MORC1: variants seen among roughly 807,000 people sequenced by gnomAD.
The protein encoded by MORC1 is MORC family CW-type zinc finger 1, also known as MORC family CW-type zinc finger protein 1.
MORC1 carries 59 observed loss-of-function variants against 134.9 expected under a neutral mutation model. The observed-to-expected ratio is 0.44, with a 90% CI of 0.35 to 0.54. MORC1 has a LOEUF of 0.54. Among genes scored for constraint, MORC1 ranks in the 20% least tolerant of loss-of-function variants. The pLI, the probability that MORC1 is intolerant of heterozygous loss-of-function variation, is 0.00. For synonymous variants in MORC1, 395 were observed against 391.7 expected (o/e 1.01, Z -0.10); for missense variants, 947 against 1,134.5 (o/e 0.83, Z 2.37).
At chr3:109,110,849 A>G in intron 2 of MORC1, 66 bp from the exon 3 acceptor site, 1 of 1,174,022 alleles carries the variant, frequency 8.5e-7, no homozygotes, top group Non-Finnish European at 1.2e-6. Flanking sequence ...GGTATAACCT[A>G]TTGTCAGATA....
chr3:108,995,145 A>C (rs1201499473), intron 21 of MORC1, among the ~76,000 whole-genome samples: 1 of 152,220 alleles, frequency 6.6e-6, no homozygotes, highest in Non-Finnish European at 1.5e-5. Context: ...CTGCCAGTTT[A>C]TCACACAGCA....
At chr3:108,964,789 G>A (rs937068655) in intron 26 of MORC1, among the ~76,000 whole-genome samples, 1 of 152,126 alleles carries the variant, frequency 6.6e-6, no homozygotes, top group Admixed American at 6.6e-5. Context: ...AGGACCTTGT[G>A]CCCCCAAGAA....
At chr3:109,071,494 T>C (rs529014698) in intron 8 of MORC1, among the ~76,000 whole-genome samples, 4 of 152,264 alleles carry the variant, frequency 2.6e-5, no homozygotes, top group Admixed American at 6.5e-5. Context: ...GAAGGACTCA[T>C]GGGCCTTAGC....
At position 108,994,702 on chromosome 3, in the gene MORC1, T is replaced by C. The variant is rs900991812; in HGVS notation, c.2187+5855A>G. On this transcript the variant is annotated intron_variant, in intron 21 of 27. Transcript: ENST00000232603. ...CTTTTTTTAAATAAAGTCAGTACTT[T>C]TATCGCTCTGTCTTGAGCCTCAGCA... is the stretch of plus-strand genomic sequence containing the variant. 3.9e-5 allele frequency among the ~76,000 whole-genome samples: 6 copies of C among 152,078 alleles called. No homozygotes were observed. In the South Asian group the frequency reaches 1.0e-3, roughly 26 times the overall value.
chr3:109,083,567 G>C (rs1950563108), intron 8 of MORC1, among the ~76,000 whole-genome samples: 1 of 152,148 alleles, frequency 6.6e-6, no homozygotes, highest in African/African-American at 2.4e-5. Flanking sequence ...CTTCACTGCT[G>C]AATTGTACCA....
chr3:108,978,372 G>A (rs114297641), intron 24 of MORC1, among the ~76,000 whole-genome samples: 39 of 152,278 alleles, frequency 2.6e-4, no homozygotes, highest in African/African-American at 7.9e-4. Context: ...TGTCAGTAGT[G>A]AAAATAGATC....
intron 8 of MORC1, among the ~76,000 whole-genome samples, chr3:109,071,128 C>T (rs1950306875): frequency 6.6e-6 from 1 of 152,062 alleles, no homozygotes; most frequent in South Asian, 2.1e-4. Context: ...AAGAAGTTAC[C>T]TTGGGATGCT....
rs373042206 is a variant in MORC1, at chr3:109,112,222, G to T, written c.120-1439C>A. ...TAATAATCTTTGTTCTTTAGCCCAG[G>T]ATACTTCCTTTCTGAAGAGCTATTG... On this transcript the variant is annotated intron_variant, in intron 2 of 27. Coordinates refer to ENST00000232603, the MANE Select transcript of MORC1 (RefSeq NM_014429.4). 2.0e-5 allele frequency among the ~76,000 whole-genome samples: 3 copies of T among 152,034 alleles called. No homozygotes were observed. In the East Asian group the frequency reaches 5.8e-4, roughly 29 times the overall value.
At chr3:109,003,391 G>GCA (rs3054383) in intron 20 of MORC1, among the ~76,000 whole-genome samples, 6,849 of 146,644 alleles carry the variant, frequency 0.047, 203 homozygotes, top group East Asian at 0.06. Flanking sequence ...ATATGTGTAT[G>GCA]CACACACACA....
chr3:108,972,305 G>A (rs1022043438), intron 24 of MORC1, among the ~76,000 whole-genome samples: 4 of 152,210 alleles, frequency 2.6e-5, no homozygotes, highest in East Asian at 1.9e-4. Flanking sequence ...TAATGCTGAC[G>A]TATTCCAAGA....
intron 23 of MORC1, among the ~76,000 whole-genome samples, 172 bp downstream of exon 23, chr3:108,984,544 T>TGGG (rs3214774): frequency 4.6e-5 from 7 of 152,016 alleles, no homozygotes; most frequent in African/African-American, 1.4e-4. Context: ...TGAAAAGGTT[T>TGGG]GGGGGTAAGG....
chr3:109,040,485 A>AAAGAAAGAAAGGAAGGAAGG (rs61499269), intron 14 of MORC1, among the ~76,000 whole-genome samples: 3 of 114,604 alleles, frequency 2.6e-5, no homozygotes, highest in South Asian at 6.2e-4. Context: ...AGAAAGAAAG[A>AAAGAAAGAAAGGAAGGAAGG]AAGGAAAGAA....
intron 27 of MORC1, among the ~76,000 whole-genome samples, chr3:108,960,172 T>C (rs1481214389): frequency 6.6e-6 from 1 of 152,224 alleles, no homozygotes; most frequent in Non-Finnish European, 1.5e-5. Flanking sequence ...GTTAATCTTG[T>C]TCATGCTCTA....
intron 14 of MORC1, among the ~76,000 whole-genome samples, chr3:109,046,524 T>C (rs969252773): frequency 6.6e-6 from 1 of 152,220 alleles, no homozygotes; most frequent in Non-Finnish European, 1.5e-5. Flanking sequence ...TAGTCAGCTC[T>C]GTATGTGTCC....
At chr3:109,055,789 G>C (rs1273879332) in intron 13 of MORC1, among the ~76,000 whole-genome samples, 2 of 152,194 alleles carry the variant, frequency 1.3e-5, no homozygotes, top group Non-Finnish European at 2.9e-5. Flanking sequence ...AGGGTGGCAG[G>C]CATGAAGCTA....
At chr3:109,001,891 T>C (rs943492026) in intron 20 of MORC1, among the ~76,000 whole-genome samples, 2 of 152,246 alleles carry the variant, frequency 1.3e-5, no homozygotes, top group African/African-American at 2.4e-5. Context: ...GAACTCATGC[T>C]GTTCTCCACA....
intron 6 of MORC1, among the ~76,000 whole-genome samples, chr3:109,098,282 GT>G: frequency 6.6e-6 from 1 of 151,856 alleles, no homozygotes; most frequent in Non-Finnish European, 1.5e-5. Context: ...GCTGTTTTTA[GT>G]TTTTTTTAAA....
At chr3:109,008,633 T>C (rs1012877514) in intron 17 of MORC1, among the ~76,000 whole-genome samples, 3 of 151,708 alleles carry the variant, frequency 2.0e-5, no homozygotes, top group African/African-American at 7.3e-5. Context: ...CATTTTATTT[T>C]ATCCTTTACT....
intron 7 of MORC1, among the ~76,000 whole-genome samples, chr3:109,094,040 T>C (rs1029480721): frequency 4.6e-5 from 7 of 152,200 alleles, no homozygotes; most frequent in African/African-American, 1.7e-4. Context: ...TTGCAGGCCA[T>C]ACGGTCTCTG....
Sources: allele counts gnomAD v4.1 joint callset (sites outside exome capture counted in the v4.1 genomes callset), GRCh38; gene constraint gnomAD v4.1.1; transcripts MANE v1.5; gene names NCBI Gene and HGNC (gene_info 2026-07-23, HGNC 2026-07-21).